Variants in SULT4A1 observed in about 807,000 individuals in gnomAD.
The protein encoded by SULT4A1 is sulfotransferase family 4A member 1.
In SULT4A1, 11 loss-of-function variants were observed where a neutral mutation model predicts 35.2. The observed-to-expected ratio is 0.31, with a 90% CI of 0.20 to 0.52. The LOEUF (loss-of-function observed/expected upper bound fraction) is 0.52. Among genes scored for constraint, SULT4A1 ranks in the 20% least tolerant of loss-of-function variants. The pLI is 0.97. For missense variants in SULT4A1, 271 were observed against 383.7 expected (o/e 0.71, Z 2.45); for synonymous variants, 152 against 151.8 (o/e 1.00, Z -0.01).
In SULT4A1 at chr22:43,825,022, G is replaced by C. The variant is rs2063277237; in HGVS notation, c.*979C>G. 1 of 152,360 alleles carries C rather than the reference G, an allele frequency of 6.6e-6. No homozygotes were observed. Among genetic ancestry groups the C allele is most frequent in the East Asian group, 1.9e-4 (1 of 5,186 alleles). 9.4% of individuals were successfully genotyped at this position (152,360 alleles called of 1,614,324 possible). ...GTGCCAACCTGATCCGAGTGAAACA[G>C]GGCTACACTCGCAAAATGGTCCTCC... On this transcript the variant is annotated 3_prime_UTR_variant, in exon 7 of 7. Coordinates refer to ENST00000330884, the MANE Select transcript of SULT4A1 (RefSeq NM_014351.4).
chr22:43,858,043 C>A (rs2049422061), intron 1 of SULT4A1, among the ~76,000 whole-genome samples: 1 of 83,200 alleles, frequency 1.2e-5, no homozygotes, highest in Admixed American at 1.7e-4. Context: ...GAGTAAGATC[C>A]TGTCTCAAAA....
chr22:43,827,077 G>A, intron 6 of SULT4A1: 1 of 985,470 alleles, frequency 1.0e-6, no homozygotes, highest in Non-Finnish European at 1.2e-6. Context: ...TGACCGTGAA[G>A]ATGTCTGGGG....
At chr22:43,845,776 C>T (rs548280159) in intron 1 of SULT4A1, among the ~76,000 whole-genome samples, 1 of 152,236 alleles carries the variant, frequency 6.6e-6, no homozygotes, top group East Asian at 1.9e-4. Context: ...ACACGAGATT[C>T]TCATAGGAGC....
intron 1 of SULT4A1, among the ~76,000 whole-genome samples, chr22:43,849,601 G>A (rs1603408849): frequency 2.0e-5 from 3 of 152,054 alleles, no homozygotes; most frequent in African/African-American, 7.2e-5. Context: ...CAGACTCCAG[G>A]GGAAGATAAC....
chr22:43,858,362 C>T (rs780857706), intron 1 of SULT4A1, among the ~76,000 whole-genome samples: 7 of 152,146 alleles, frequency 4.6e-5, no homozygotes, highest in African/African-American at 9.7e-5. Flanking sequence ...CCTCCCAGCC[C>T]GGTTGAGTGA....
intron 1 of SULT4A1, among the ~76,000 whole-genome samples, chr22:43,861,717 C>G (rs1214619039): frequency 6.6e-6 from 1 of 152,240 alleles, no homozygotes; most frequent in Non-Finnish European, 1.5e-5. Context: ...ATCCCCCACC[C>G]GGAGCCCAGG....
chr22:43,852,291 C>T (rs1291819918), intron 1 of SULT4A1, among the ~76,000 whole-genome samples: 1 of 152,020 alleles, frequency 6.6e-6, no homozygotes, highest in African/African-American at 2.4e-5. Flanking sequence ...CCTCAGCCTC[C>T]TAAGTAGCTG....
intron 1 of SULT4A1, among the ~76,000 whole-genome samples, chr22:43,857,095 G>A (rs1006182065): frequency 6.6e-6 from 1 of 152,176 alleles, no homozygotes; most frequent in Non-Finnish European, 1.5e-5. Flanking sequence ...CAGAGAAATG[G>A]AAACTCTAAG....
At chr22:43,848,182 C>T (rs1449919483) in intron 1 of SULT4A1, among the ~76,000 whole-genome samples, 1 of 152,214 alleles carries the variant, frequency 6.6e-6, no homozygotes, top group Non-Finnish European at 1.5e-5. Context: ...ATCCCTGCCA[C>T]CTTCCAGAAA....
intron 1 of SULT4A1, among the ~76,000 whole-genome samples, chr22:43,845,649 C>T (rs2063470919): frequency 6.6e-6 from 1 of 152,172 alleles, no homozygotes; most frequent in Non-Finnish European, 1.5e-5. Flanking sequence ...TCCAGGGGTC[C>T]CCAACCCCCA....
At chr22:43,841,358 G>C (rs967884727) in intron 2 of SULT4A1, among the ~76,000 whole-genome samples, 1 of 152,324 alleles carries the variant, frequency 6.6e-6, no homozygotes, top group East Asian at 1.9e-4. Context: ...TGGAACTAAA[G>C]AGGTGCAGCG....
At chr22:43,844,862 C>T (rs1397819707) in intron 1 of SULT4A1, among the ~76,000 whole-genome samples, 1 of 152,146 alleles carries the variant, frequency 6.6e-6, no homozygotes. Context: ...GTGACCGGCT[C>T]CACACCTGGT....
chr22:43,846,735 G>T (rs2063479273), intron 1 of SULT4A1, among the ~76,000 whole-genome samples: 1 of 152,260 alleles, frequency 6.6e-6, no homozygotes, highest in Non-Finnish European at 1.5e-5. Flanking sequence ...ATAGAACCAG[G>T]GTGTGGCTGC....
intron 2 of SULT4A1, 116 bp from the exon 3 acceptor site, chr22:43,840,141 G>A: frequency 1.3e-6 from 1 of 762,296 alleles, no homozygotes; most frequent in South Asian, 1.8e-5. Flanking sequence ...CAGGGGAAGT[G>A]GAGTTATCAG....
At chr22:43,857,886 C>G (rs942108233) in intron 1 of SULT4A1, among the ~76,000 whole-genome samples, 2 of 151,030 alleles carry the variant, frequency 1.3e-5, no homozygotes, top group Non-Finnish European at 3.0e-5. Context: ...CCTATCTCTA[C>G]AAAAATACAA....
chr22:43,827,562 A>T (rs1569502483), intron 6 of SULT4A1: 1 of 1,365,566 alleles, frequency 7.3e-7, no homozygotes, highest in Non-Finnish European at 9.8e-7. Context: ...ACATGAATCA[A>T]ATCTAAGCAA....
chr22:43,861,413 T>A (rs2049466957), intron 1 of SULT4A1, among the ~76,000 whole-genome samples: 1 of 152,120 alleles, frequency 6.6e-6, no homozygotes, highest in Non-Finnish European at 1.5e-5. Flanking sequence ...AAACCTCAGA[T>A]GGGGTACTAT....
At chr22:43,829,743 G>A (rs1032456904) in intron 5 of SULT4A1, among the ~76,000 whole-genome samples, 3 of 152,312 alleles carry the variant, frequency 2.0e-5, no homozygotes, top group Non-Finnish European at 2.9e-5. Context: ...GTGGCTAACC[G>A]TCTTGAGGGG....
chr22:43,861,323 G>A (rs991834862), intron 1 of SULT4A1, among the ~76,000 whole-genome samples: 2 of 152,200 alleles, frequency 1.3e-5, no homozygotes, highest in African/African-American at 2.4e-5. Context: ...ACCACGCTGT[G>A]ATTGCCTCAA....
Sources: allele counts gnomAD v4.1 joint callset (sites outside exome capture counted in the v4.1 genomes callset), GRCh38; gene constraint gnomAD v4.1.1; transcripts MANE v1.5; gene names NCBI Gene and HGNC (gene_info 2026-07-23, HGNC 2026-07-21).